The following OXR1 variants were observed in gnomAD, a reference collection of about 807,000 sequenced individuals.
OXR1 encodes oxidation resistance 1, also known as oxidation resistance protein 1.
OXR1 carries 41 observed loss-of-function variants against 104.6 expected under a neutral mutation model. The ratio of observed to expected loss-of-function variants is 0.39; its 90% CI spans 0.31 to 0.51. The LOEUF is 0.51. OXR1 is among the 20% of genes least tolerant of loss of function. The pLI, the probability that OXR1 is intolerant of heterozygous loss-of-function variation, is 0.77. For missense variants in OXR1, 955 were observed against 1,031.9 expected (o/e 0.93, Z 1.02); for synonymous variants, 348 against 348.4 (o/e 1.00, Z 0.01).
At chr8:106,628,209 CA>C (rs1822338488) in intron 3 of OXR1, among the ~76,000 whole-genome samples, 1 of 152,100 alleles carries the variant, frequency 6.6e-6, no homozygotes, top group Non-Finnish European at 1.5e-5. Flanking sequence ...AAAGAGCTGA[CA>C]TTAGGAATGC....
intron 1 of OXR1, among the ~76,000 whole-genome samples, chr8:106,312,038 G>A (rs1503557): frequency 0.094 from 13,856 of 147,728 alleles, 711 homozygotes; most frequent in Middle Eastern, 0.12. Flanking sequence ...TTTCACTTGT[G>A]TGTGTAGTTA....
At chr8:106,627,882 A>G (rs532009340) in intron 3 of OXR1, among the ~76,000 whole-genome samples, 1 of 152,158 alleles carries the variant, frequency 6.6e-6, no homozygotes, top group Admixed American at 6.6e-5. Flanking sequence ...TCCACCAGCT[A>G]TCCCTTCTGC....
chr8:106,673,668 C>T (rs764541895), intron 3 of OXR1, among the ~76,000 whole-genome samples: 5 of 152,150 alleles, frequency 3.3e-5, no homozygotes, highest in Non-Finnish European at 7.4e-5. Flanking sequence ...CCCTTCCCAT[C>T]ACAGGCCTGG....
chr8:106,546,483 C>T (rs1026150251), intron 3 of OXR1, among the ~76,000 whole-genome samples: 2 of 152,102 alleles, frequency 1.3e-5, no homozygotes, highest in Admixed American at 1.3e-4. Context: ...TTTATTTTGC[C>T]AAGGTAAAGG....
chr8:106,745,084 T>TG (rs1835267786), intron 15 of OXR1, among the ~76,000 whole-genome samples: 1 of 152,160 alleles, frequency 6.6e-6, no homozygotes, highest in African/African-American at 2.4e-5. Context: ...TACATAACTA[T>TG]GAAAAACGAG....
At chr8:106,543,533 C>A (rs931910634) in intron 3 of OXR1, among the ~76,000 whole-genome samples, 13 of 151,996 alleles carry the variant, frequency 8.6e-5, no homozygotes, top group African/African-American at 3.1e-4. Context: ...GGTGAATATC[C>A]CCAGATGAAT....
chr8:106,366,506 T>C (rs534220225), intron 2 of OXR1, among the ~76,000 whole-genome samples: 2 of 152,326 alleles, frequency 1.3e-5, no homozygotes, highest in African/African-American at 2.4e-5. Flanking sequence ...TCAAATAAAA[T>C]TGACTGTCAA....
At chr8:106,294,187 G>A (rs1217120132) in intron 1 of OXR1, among the ~76,000 whole-genome samples, 1 of 151,518 alleles carries the variant, frequency 6.6e-6, no homozygotes, top group African/African-American at 2.4e-5. Flanking sequence ...CAGATAATGA[G>A]GTCAGGAATT....
At position 106,418,138 on chromosome 8, in the gene OXR1, A is replaced by G. The variant is rs201638953; in HGVS notation, c.23+58502A>G. Among the ~76,000 whole-genome samples the G allele has an allele frequency of 2.4e-4, 36 of 152,278 alleles. No individual in the cohort carries two copies. The East Asian group carries it at 6.6e-3, about 28-fold the overall frequency. On this transcript the variant is annotated intron_variant, in intron 2 of 16. Transcript: ENST00000517566. ...ATAGAATTTTATTAAAAGGAAGTAG[A>G]AAAAAGACATTAAATCACTGAAGAG...
intron 2 of OXR1, among the ~76,000 whole-genome samples, chr8:106,509,521 T>C (rs1812382729): frequency 6.6e-6 from 1 of 152,186 alleles, no homozygotes; most frequent in Non-Finnish European, 1.5e-5. Flanking sequence ...AAATATCTGA[T>C]CACTAGTTTG....
chr8:106,589,432 G>A (rs965950045), intron 3 of OXR1, among the ~76,000 whole-genome samples: 1 of 149,984 alleles, frequency 6.7e-6, no homozygotes, highest in Admixed American at 6.6e-5. Flanking sequence ...TCAAAACAAG[G>A]CCCCAGGACT....
intron 2 of OXR1, among the ~76,000 whole-genome samples, chr8:106,451,506 G>A (rs1820313212): frequency 6.6e-6 from 1 of 152,136 alleles, no homozygotes; most frequent in South Asian, 2.1e-4. Flanking sequence ...TCACTTGGAA[G>A]CCAGTTCAGT....
intron 11 of OXR1, chr8:106,726,074 C>G (rs1230174177): frequency 2.0e-6 from 2 of 980,028 alleles, no homozygotes; most frequent in Non-Finnish European, 2.8e-6. Flanking sequence ...GCTATGGATA[C>G]TACTTAGTGA....
chr8:106,404,432 G>T (rs1818130939), intron 2 of OXR1, among the ~76,000 whole-genome samples: 1 of 152,132 alleles, frequency 6.6e-6, no homozygotes, highest in African/African-American at 2.4e-5. Flanking sequence ...AGTTCAACTT[G>T]TGTTATAATT....
chr8:106,327,481 A>C (rs1318545354), intron 1 of OXR1, among the ~76,000 whole-genome samples: 3 of 152,298 alleles, frequency 2.0e-5, no homozygotes, highest in East Asian at 1.9e-4. Context: ...AAAATAGCAG[A>C]GGTCAAAATA....
At chr8:106,533,389 G>T (rs1010806178) in intron 3 of OXR1, among the ~76,000 whole-genome samples, 4 of 152,184 alleles carry the variant, frequency 2.6e-5, no homozygotes, top group African/African-American at 9.7e-5. Flanking sequence ...TGACATCCTG[G>T]AATTAGAGAA....
chr8:106,717,000 A>C (rs563870691), intron 11 of OXR1, among the ~76,000 whole-genome samples: 1 of 152,218 alleles, frequency 6.6e-6, no homozygotes, highest in Non-Finnish European at 1.5e-5. Flanking sequence ...AGCCTGGCCA[A>C]TATGGTAAAA....
intron 2 of OXR1, among the ~76,000 whole-genome samples, chr8:106,432,137 C>T (rs1819385128): frequency 6.6e-6 from 1 of 152,178 alleles, no homozygotes; most frequent in Non-Finnish European, 1.5e-5. Flanking sequence ...TTGCTACTTC[C>T]CTAGTGCATC....
intron 2 of OXR1, among the ~76,000 whole-genome samples, chr8:106,455,367 C>T (rs1475380697): frequency 6.6e-6 from 1 of 152,026 alleles, no homozygotes; most frequent in African/African-American, 2.4e-5. Context: ...TAAAATCATC[C>T]CAGAGACCGG....
Sources: allele counts gnomAD v4.1 joint callset (sites outside exome capture counted in the v4.1 genomes callset), GRCh38; gene constraint gnomAD v4.1.1; transcripts MANE v1.5; gene names NCBI Gene and HGNC (gene_info 2026-07-23, HGNC 2026-07-21).